Variants in SLC7A7 observed in about 807,000 individuals in gnomAD.
SLC7A7 encodes Y+L amino acid transporter 1.
A neutral mutation model predicts 47.9 loss-of-function variants in SLC7A7; 39 were observed. The observed-to-expected ratio is 0.81, with a 90% confidence interval of 0.63 to 1.06. The LOEUF (loss-of-function observed/expected upper bound fraction) is 1.06. SLC7A7 is among the 50% of genes least tolerant of loss of function. SLC7A7 has a pLI of 0.00. For missense variants in SLC7A7, 588 were observed against 632.0 expected (o/e 0.93, Z 0.75); for synonymous variants, 234 against 242.8 (o/e 0.96, Z 0.34).
intron 2 of SLC7A7, among the ~76,000 whole-genome samples, chr14:22,790,756 T>C (rs956083166): frequency 1.3e-5 from 2 of 152,134 alleles, no homozygotes; most frequent in African/African-American, 4.8e-5. Context: ...TCCCAGCACT[T>C]TGGGAGGCGG....
intron 2 of SLC7A7, among the ~76,000 whole-genome samples, chr14:22,788,731 T>C (rs1246202416): frequency 2.0e-5 from 3 of 146,710 alleles, no homozygotes; most frequent in Non-Finnish European, 4.5e-5. Context: ...AAGTGAACAA[T>C]CTACGACTAC....
intron 2 of SLC7A7, 144 bp from the exon 3 acceptor site, chr14:22,780,195 C>T (rs2038694026): frequency 2.7e-6 from 3 of 1,091,800 alleles, no homozygotes; most frequent in East Asian, 2.5e-5. Context: ...TGCACTGGAA[C>T]CCTCGGGGCC....
chr14:22,774,413 A>G lies in SLC7A7; in HGVS notation c.1186T>C (p.Ser396Pro), dbSNP rs2038552569. ...SFSYWFFVGLSIVGQLYLRWK... is the reference protein window; with the variant it reads ...SFSYWFFVGLPIVGQLYLRWK... The stretch of plus-strand genomic sequence containing the variant: ...CGCAGATAAAGCTGACCCACAATAG[A>G]AAGCCCCACAAAGAACCAGTAGCTG... The change falls in exon 8 of 10, where the codon TCT (serine) becomes CCT (proline). Residue 396 changes from serine to proline, a missense_variant. Physicochemically the swap from Ser to Pro is moderately conservative, Grantham distance 74 (BLOSUM62 -1). Coordinates refer to ENST00000674313, the MANE Select transcript of SLC7A7 (RefSeq NM_003982.4). The G allele has an allele frequency of 1.9e-6, 3 of 1,614,052 alleles. No homozygotes were observed. The highest frequency in any genetic ancestry group is 2.5e-6 in the Non-Finnish European group (3 of 1,179,978).
chr14:22,773,957 G>A lies in SLC7A7; in HGVS notation c.1405C>T (p.Pro469Ser), dbSNP rs201550655. ...CCCACGATCCTTCGGAGGTAAAGCG[G>A]TCGCTTATGTTCTGGCACTCTGATG... Reference protein sequence around the residue: ...LIIRVPEHKRPLYLRRIVGSA... With the variant: ...LIIRVPEHKRSLYLRRIVGSA... The change falls in exon 9 of 10, where the codon CCG becomes TCG. Residue 469 changes from proline to serine, a missense_variant. Pro to Ser is a moderately conservative substitution (Grantham distance 74, BLOSUM62 -1). Coordinates refer to ENST00000674313, the MANE Select transcript of SLC7A7 (RefSeq NM_003982.4). 507 of 1,614,068 alleles carry A rather than the reference G, an allele frequency of 3.1e-4. 2 individuals are homozygous for A. Among genetic ancestry groups the A allele is most frequent in the Non-Finnish European group, 3.4e-4 (402 of 1,180,052 alleles).
upstream of SLC7A7, among the ~76,000 whole-genome samples, chr14:22,818,889 A>C (rs2039441810): frequency 6.6e-6 from 1 of 151,736 alleles, no homozygotes; most frequent in African/African-American, 2.4e-5. Context: ...ACCGTGCCTG[A>C]CCCACCCCAG....
chr14:22,805,058 A>G (rs10459444), intron 2 of SLC7A7, among the ~76,000 whole-genome samples: 19,155 of 152,118 alleles, frequency 0.13, 1,375 homozygotes, highest in South Asian at 0.19. Context: ...ACAGATGCTG[A>G]CAAGTTTGCA....
chr14:22,795,593 G>C (rs1391341632), intron 2 of SLC7A7, among the ~76,000 whole-genome samples: 3 of 151,780 alleles, frequency 2.0e-5, no homozygotes, highest in Non-Finnish European at 2.9e-5. Flanking sequence ...TCCTGCCTCA[G>C]CCTCCCGAGT....
intron 9 of SLC7A7, 36 bp downstream of exon 9, chr14:22,773,897 G>T: frequency 6.2e-7 from 1 of 1,612,870 alleles, no homozygotes; most frequent in South Asian, 1.1e-5. Context: ...ACCAAGCTCT[G>T]CAATAGCTGA....
chr14:22,815,236 A>C lies in SLC7A7; in HGVS notation c.-43+84T>G, dbSNP rs111674855. On this transcript the variant is annotated intron_variant, in intron 1 of 9. Transcript: ENST00000674313. Reference sequence around the variant, plus strand: ...GTTAGGGTGAGAGGCACTCGGGAGAAGAAGCGATTAGACACTGCACAGCAG... The same window carrying C: ...GTTAGGGTGAGAGGCACTCGGGAGACGAAGCGATTAGACACTGCACAGCAG... The C allele has an allele frequency of 7.0e-3, 2,723 of 391,222 alleles. 62 individuals are homozygous for C. The highest frequency in any genetic ancestry group is 0.052 in the African/African-American group (2,502 of 48,474). 24.2% of individuals were successfully genotyped at this position (391,222 alleles called of 1,614,324 possible).
intron 7 of SLC7A7, among the ~76,000 whole-genome samples, chr14:22,775,093 A>ACACACAC (rs67187555): frequency 1.1e-4 from 1 of 9,312 alleles, no homozygotes; most frequent in Non-Finnish European, 1.3e-3. Context: ...GGATTTTAAG[A>ACACACAC]CACACACACA....
rs1202201752 is a variant in SLC7A7 at position 22,774,481 on chromosome 14, A to G, written c.1118T>C (p.Leu373Ser). 6.2e-7 allele frequency: 1 copy of G among 1,614,118 alleles called. No individual in the cohort carries two copies. The highest frequency in any genetic ancestry group is 2.2e-5 in the East Asian group (1 of 44,874). Residue 373 changes from leucine (L) to serine (S), a missense_variant, in exon 8 of 10, where the codon TTG (leucine) becomes TCG (serine). Transcript: ENST00000674313. Reference sequence around the variant, plus strand: ...GAGCTGGAAGATGTCTTCCACGCACAAGTAGATCAATGCCATGATACCCTG... The same window carrying G: ...GAGCTGGAAGATGTCTTCCACGCACGAGTAGATCAATGCCATGATACCCTG... ...LFNGIMALIY[L>S]CVEDIFQLIN...
At chr14:22,801,479 A>G (rs994199673) in intron 2 of SLC7A7, among the ~76,000 whole-genome samples, 7 of 152,036 alleles carry the variant, frequency 4.6e-5, no homozygotes, top group Non-Finnish European at 7.4e-5. Flanking sequence ...CACCATCACA[A>G]TCCATTAAAA....
chr14:22,775,995 T>G, intron 5 of SLC7A7, 59 bp from the exon 6 acceptor site: 1 of 1,471,466 alleles, frequency 6.8e-7, no homozygotes, highest in African/African-American at 1.4e-5. Flanking sequence ...AAGACATGGA[T>G]GGGCATGCCC....
chr14:22,791,402 G>C (rs1308677502), intron 2 of SLC7A7, among the ~76,000 whole-genome samples: 2 of 152,134 alleles, frequency 1.3e-5, no homozygotes, highest in Non-Finnish European at 2.9e-5. Context: ...CTGCCACTCA[G>C]TTTGCTACTT....
chr14:22,785,203 G>A (rs2038791957), intron 2 of SLC7A7, among the ~76,000 whole-genome samples: 1 of 151,792 alleles, frequency 6.6e-6, no homozygotes, highest in Non-Finnish European at 1.5e-5. Context: ...ATTTGAACCC[G>A]GGAGGCAGAA....
At chr14:22,787,763 A>T (rs1236372890) in intron 2 of SLC7A7, among the ~76,000 whole-genome samples, 8 of 150,636 alleles carry the variant, frequency 5.3e-5, no homozygotes, top group Admixed American at 2.0e-4. Context: ...CTCAAAAAAA[A>T]TTTTTTTAAT....
At chr14:22,796,701 T>C (rs2039027299) in intron 2 of SLC7A7, among the ~76,000 whole-genome samples, 1 of 152,164 alleles carries the variant, frequency 6.6e-6, no homozygotes, top group African/African-American at 2.4e-5. Flanking sequence ...GGTCTCAGTG[T>C]GGGCAAGTGT....
At chr14:22,815,778 A>T (rs746007516), upstream of SLC7A7, 8 of 424,916 alleles carry the variant, frequency 1.9e-5, no homozygotes, top group East Asian at 5.7e-4. Flanking sequence ...AATACACAGC[A>T]CTCTCTCTCT....
chr14:22,804,211 T>C (rs905645761), intron 2 of SLC7A7, among the ~76,000 whole-genome samples: 4 of 152,094 alleles, frequency 2.6e-5, no homozygotes, highest in African/African-American at 9.7e-5. Flanking sequence ...TCACGATGGA[T>C]TCAAGACTTA....
Sources: allele counts gnomAD v4.1 joint callset (sites outside exome capture counted in the v4.1 genomes callset), GRCh38; gene constraint gnomAD v4.1.1; transcripts MANE v1.5; gene names NCBI Gene and HGNC (gene_info 2026-07-23, HGNC 2026-07-21).